Variants in RERE observed in about 807,000 individuals in gnomAD.
RERE encodes the protein arginine-glutamic acid dipeptide repeats, also known as arginine-glutamic acid dipeptide repeats protein.
A neutral mutation model predicts 146.1 loss-of-function variants in RERE; 40 were observed. That is an observed-to-expected ratio of 0.27 (90% CI 0.21 to 0.36). The LOEUF (loss-of-function observed/expected upper bound fraction) is 0.36. Among genes scored for constraint, RERE ranks in the 10% least tolerant of loss-of-function variants. RERE has a pLI of 1.00. For missense variants in RERE, 1,933 were observed against 2,138.7 expected, an observed-to-expected ratio of 0.90 and a Z score of 1.90; for synonymous variants, 1,003 against 866.0, an observed-to-expected ratio of 1.16 and a Z score of -2.78.
At chr1:8,732,091 C>T (rs1356716440) in intron 1 of RERE, among the ~76,000 whole-genome samples, 1 of 152,194 alleles carries the variant, frequency 6.6e-6, no homozygotes, top group Non-Finnish European at 1.5e-5. Flanking sequence ...GCATGAGCCA[C>T]CACGCCCAGC....
At chr1:8,415,259 C>T (rs1280056144) in intron 12 of RERE, among the ~76,000 whole-genome samples, 1 of 152,180 alleles carries the variant, frequency 6.6e-6, no homozygotes, top group East Asian at 1.9e-4. Context: ...CCAATTCAAA[C>T]CTTCCATTTG....
chr1:8,629,472 G>A lies in RERE; in HGVS notation c.326-5092C>T, dbSNP rs115001097. 8.0e-3 allele frequency among the ~76,000 whole-genome samples: 1,217 copies of A among 152,268 alleles called. 12 individuals are homozygous for A. Among genetic ancestry groups the A allele is most frequent in the African/African-American group, 0.028 (1,161 of 41,550 alleles). ...GCTGGGGAAGGAAGTCAGCCAAAAC[G>A]TGAAGGCAGATTCTCAAGGCAAAGA... On this transcript the variant is annotated intron_variant, in intron 2 of 22. Coordinates refer to ENST00000400908, the MANE Select transcript of RERE (RefSeq NM_001042681.2).
chr1:8,797,340 T>G (rs549677528), intron 1 of RERE, among the ~76,000 whole-genome samples: 15 of 151,190 alleles, frequency 9.9e-5, no homozygotes, highest in East Asian at 9.7e-4. Flanking sequence ...ATCACACCAC[T>G]GCACACCAGC....
Position 8,376,248 on chromosome 1 carries a change from C to T in RERE, c.1285-10274G>A, listed in dbSNP as rs546032978. On this transcript the variant is annotated intron_variant, in intron 12 of 22. Transcript: ENST00000400908. ...GAGTTCAACGCAATAGCATCTTAAT[C>T]TTCATACCTGGACCTTCGCAGTTAT... is the stretch of plus-strand genomic sequence containing the variant. Among the ~76,000 whole-genome samples the T allele has an allele frequency of 2.9e-3, 443 of 152,254 alleles. 2 individuals carry two copies. The highest frequency in any genetic ancestry group is 3.1e-3 in the Non-Finnish European group (212 of 68,024).
intron 1 of RERE, among the ~76,000 whole-genome samples, chr1:8,800,303 T>C (rs1486340875): frequency 6.6e-6 from 1 of 150,600 alleles, no homozygotes; most frequent in Non-Finnish European, 1.5e-5. Context: ...AATCCAGAAA[T>C]TGCAGTCTTT....
At chr1:8,444,420 G>C (rs949343447) in intron 11 of RERE, among the ~76,000 whole-genome samples, 1 of 152,182 alleles carries the variant, frequency 6.6e-6, no homozygotes. Flanking sequence ...TAGGTGGAAG[G>C]GACTTGCCTT....
intron 4 of RERE, among the ~76,000 whole-genome samples, chr1:8,605,862 T>TTTTTTTTTTTTTTTTA (rs1553120665): frequency 6.8e-6 from 1 of 147,434 alleles, no homozygotes; most frequent in African/African-American, 2.5e-5. Flanking sequence ...TTTTTTTTTT[T>TTTTTTTTTTTTTTTTA]GAGACAGCGT....
At chr1:8,617,199 C>T (rs1220394047) in intron 3 of RERE, among the ~76,000 whole-genome samples, 2 of 151,782 alleles carry the variant, frequency 1.3e-5, no homozygotes, top group African/African-American at 2.4e-5. Context: ...AAAAACATAG[C>T]CGGGGGTGGT....
intron 1 of RERE, among the ~76,000 whole-genome samples, chr1:8,687,540 G>T (rs1289799500): frequency 6.6e-6 from 1 of 152,172 alleles, no homozygotes; most frequent in African/African-American, 2.4e-5. Context: ...GAGACATAAA[G>T]GCTGACTCTG....
chr1:8,423,591 C>T lies in RERE; in HGVS notation c.1204-784G>A. 4 of 985,234 alleles carry T rather than the reference C, an allele frequency of 4.1e-6. No homozygotes were observed. The highest frequency in any genetic ancestry group is 4.8e-6 in the Non-Finnish European group (4 of 829,886). The allele number at this position is 985,234 out of a possible 1,614,324, so 61.0% of individuals were successfully genotyped here. The stretch of plus-strand genomic sequence containing the variant: ...GGCTCCCAGCCTGGTCCCGGGCGGC[C>T]GACCCCAGCAGCCACAGGTAAGCGC... On this transcript the variant is annotated intron_variant, in intron 11 of 22. Coordinates refer to ENST00000400908, the MANE Select transcript of RERE (RefSeq NM_001042681.2). The surrounding 1 kb of genome is among the most constrained non-coding windows in gnomAD (Gnocchi z 5.4).
Position 8,537,932 on chromosome 1 carries a change from C to A in RERE, c.830+3282G>T, listed in dbSNP as rs183138530. ...TATGCAAATAAATGTGAAAAAAATT[C>A]CAAAATTTCAGTGCTGTTCAATATG... On this transcript the variant is annotated intron_variant, in intron 7 of 22. Transcript: ENST00000400908. 2.9e-3 allele frequency among the ~76,000 whole-genome samples: 437 copies of A among 152,220 alleles called. 3 individuals carry two copies. Among genetic ancestry groups the A allele is most frequent in the African/African-American group, 0.01 (421 of 41,542 alleles).
chr1:8,535,051 G>A (rs1478259977), intron 7 of RERE, among the ~76,000 whole-genome samples: 2 of 151,934 alleles, frequency 1.3e-5, no homozygotes, highest in Admixed American at 6.6e-5. Flanking sequence ...GAGGGGGGAG[G>A]GAGGATCACT....
At chr1:8,649,533 C>G (rs982101859) in intron 2 of RERE, among the ~76,000 whole-genome samples, 2 of 151,918 alleles carry the variant, frequency 1.3e-5, no homozygotes, top group African/African-American at 2.4e-5. Context: ...AGTTCGAGAC[C>G]AGCCTGGCCA....
At chr1:8,580,758 T>A (rs749661593) in intron 4 of RERE, among the ~76,000 whole-genome samples, 1 of 152,178 alleles carries the variant, frequency 6.6e-6, no homozygotes, top group Non-Finnish European at 1.5e-5. Flanking sequence ...TCGCTCAGAC[T>A]GGAGTACAGT....
intron 1 of RERE, among the ~76,000 whole-genome samples, chr1:8,756,596 T>C (rs115678426): frequency 0.012 from 1,872 of 152,324 alleles, 44 homozygotes; most frequent in African/African-American, 0.043. Context: ...CATCAAACTA[T>C]AATTCTGTCC....
At chr1:8,639,236 G>A (rs763038469) in intron 2 of RERE, among the ~76,000 whole-genome samples, 5 of 152,196 alleles carry the variant, frequency 3.3e-5, no homozygotes, top group African/African-American at 1.2e-4. Context: ...CTGGAAATCC[G>A]TACGTTCATG....
chr1:8,660,842 G>A (rs1391518816), intron 1 of RERE, among the ~76,000 whole-genome samples: 2 of 152,154 alleles, frequency 1.3e-5, no homozygotes, highest in Non-Finnish European at 2.9e-5. Context: ...AATAAGAAAA[G>A]GAAGAAAATC....
intron 2 of RERE, among the ~76,000 whole-genome samples, chr1:8,632,568 T>G (rs1168042676): frequency 6.6e-6 from 1 of 152,250 alleles, no homozygotes; most frequent in East Asian, 1.9e-4. Flanking sequence ...CATTCAAGCC[T>G]GGCTCCTGAT....
intron 4 of RERE, among the ~76,000 whole-genome samples, chr1:8,598,139 G>A (rs900230070): frequency 6.6e-6 from 1 of 152,208 alleles, no homozygotes; most frequent in South Asian, 2.1e-4. Context: ...GTGACAGAAT[G>A]CAAGTGTGTA....
Sources: allele counts gnomAD v4.1 joint callset (sites outside exome capture counted in the v4.1 genomes callset), GRCh38; gene constraint gnomAD v4.1.1; non-coding constraint Gnocchi (gnomAD v3.1); transcripts MANE v1.5; gene names NCBI Gene and HGNC (gene_info 2026-07-23, HGNC 2026-07-21).